The following ACKR3 variants were observed in gnomAD, a reference collection of about 807,000 sequenced individuals.
The protein encoded by ACKR3 is atypical chemokine receptor 3, also known as C-X-C chemokine receptor type 7.
Under a neutral mutation model 22.4 loss-of-function variants are expected in ACKR3, and 6 were observed. That is an observed-to-expected ratio of 0.27 (90% CI 0.15 to 0.53). The LOEUF is 0.53. Among genes scored for constraint, ACKR3 ranks in the 20% least tolerant of loss-of-function variants. ACKR3 has a pLI of 0.96. For missense variants in ACKR3, 396 were observed against 475.2 expected (o/e 0.83, Z 1.55); for synonymous variants, 209 against 205.2 (o/e 1.02, Z -0.16).
rs770123271 is a variant in ACKR3 at position 236,577,868 on chromosome 2, G to A, written c.-26-2572G>A. Among the ~76,000 whole-genome samples, 17 of 152,244 alleles carry A rather than the reference G, an allele frequency of 1.1e-4. No individual in the cohort carries two copies. Among genetic ancestry groups the A allele is most frequent in the Non-Finnish European group, 1.6e-4 (11 of 68,048 alleles). On this transcript the variant is annotated intron_variant, in intron 1 of 1. Coordinates refer to ENST00000272928, the MANE Select transcript of ACKR3 (RefSeq NM_020311.3). This position sits in a 1 kb window ranked among gnomAD's most constrained non-coding sequence, Gnocchi z 5.6. ...ACAGAGCAGGGAGCCCAAGCCAGGCGCCAGCCGAGCTCCCTCTGGACCCAG... is the reference window on the plus strand; with the variant it reads ...ACAGAGCAGGGAGCCCAAGCCAGGCACCAGCCGAGCTCCCTCTGGACCCAG...
Position 236,580,793 on chromosome 2 carries a change from TGGCCCATG to T in ACKR3, c.332_339del (p.Pro111ArgfsTer66). On this transcript the variant is annotated frameshift_variant, in exon 2 of 2. Transcript: ENST00000272928. LOFTEE classifies it high-confidence loss of function. ...GGTCAGTCTCGTGCAGCACAACCAG[TGGCCCATG>T]GGCGAGCTCACGTGCAAAGTCACAC... 6.2e-7 allele frequency: 1 copy of T among 1,614,198 alleles called. No homozygotes were observed. Among genetic ancestry groups the T allele is most frequent in the Non-Finnish European group, 8.5e-7 (1 of 1,180,032 alleles).
At chr2:236,562,713 T>C in the ACKR3 span, among the ~76,000 whole-genome samples, 8 of 152,048 alleles carry the variant, frequency 5.3e-5, no homozygotes, top group Non-Finnish European at 2.9e-5. Flanking sequence ...GAAACTTTTA[T>C]AGAAATTTGA....
the ACKR3 span, among the ~76,000 whole-genome samples, chr2:236,550,098 C>T: frequency 2.9e-4 from 44 of 152,344 alleles, no homozygotes; most frequent in African/African-American, 1.0e-3. This position sits in a 1 kb window ranked among gnomAD's most constrained non-coding sequence, Gnocchi z 4.6. Context: ...ATTGCCACAG[C>T]CAAACTGCAG....
At chr2:236,575,212 A>T (rs1342485937) in intron 1 of ACKR3, among the ~76,000 whole-genome samples, 1 of 152,162 alleles carries the variant, frequency 6.6e-6, no homozygotes, top group Non-Finnish European at 1.5e-5. Context: ...CAAATAACAC[A>T]GAAGTTTATA....
the ACKR3 span, among the ~76,000 whole-genome samples, chr2:236,553,308 C>T: frequency 6.6e-6 from 1 of 152,194 alleles, no homozygotes; most frequent in African/African-American, 2.4e-5. Context: ...CCTGGAGGGG[C>T]AGATGGAAGA....
the ACKR3 span, among the ~76,000 whole-genome samples, chr2:236,540,198 G>T: frequency 6.6e-6 from 1 of 152,200 alleles, no homozygotes; most frequent in Non-Finnish European, 1.5e-5. Context: ...ACTCGACGTT[G>T]TCTGTGTTTT....
chr2:236,541,594 T>A, the ACKR3 span, among the ~76,000 whole-genome samples: 2 of 152,238 alleles, frequency 1.3e-5, no homozygotes, highest in Admixed American at 6.5e-5. Context: ...GTGTTTTGTT[T>A]GACTTAGCAC....
At chr2:236,556,141 G>T in the ACKR3 span, among the ~76,000 whole-genome samples, 1 of 152,154 alleles carries the variant, frequency 6.6e-6, no homozygotes, top group Non-Finnish European at 1.5e-5. Context: ...TTTCACAGAA[G>T]GATCACCCAG....
In ACKR3 at chr2:236,577,549, C is replaced by T. The variant is rs947929346; in HGVS notation, c.-26-2891C>T. 1.3e-5 allele frequency among the ~76,000 whole-genome samples: 2 copies of T among 152,206 alleles called. No individual in the cohort carries two copies. The highest frequency in any genetic ancestry group is 2.4e-5 in the African/African-American group (1 of 41,534). ...GAGGAACTGGAAGGAAGGACACACT[C>T]GAGATGTGGGAACCAGGCGTCTTCT... On this transcript the variant is annotated intron_variant, in intron 1 of 1. Transcript: ENST00000272928. This position sits in a 1 kb window ranked among gnomAD's most constrained non-coding sequence, Gnocchi z 5.6.
chr2:236,544,895 T>A, the ACKR3 span, among the ~76,000 whole-genome samples: 12 of 152,158 alleles, frequency 7.9e-5, no homozygotes, highest in Non-Finnish European at 1.8e-4. The surrounding 1 kb of genome is among the most constrained non-coding windows in gnomAD (Gnocchi z 5.0). Context: ...AGACAGAATA[T>A]GGAGTTTGTT....
chr2:236,559,641 A>G, the ACKR3 span, among the ~76,000 whole-genome samples: 1 of 152,172 alleles, frequency 6.6e-6, no homozygotes, highest in African/African-American at 2.4e-5. Flanking sequence ...TCTTAACTGT[A>G]CAGTTGATGT....
the ACKR3 span, among the ~76,000 whole-genome samples, chr2:236,543,941 G>GTATATATATA: frequency 5.5e-4 from 32 of 57,772 alleles, no homozygotes; most frequent in Non-Finnish European, 1.1e-3. Flanking sequence ...TGGGAGAAGG[G>GTATATATATA]TATATATATA....
chr2:236,553,199 T>TC, the ACKR3 span, among the ~76,000 whole-genome samples: 1 of 151,734 alleles, frequency 6.6e-6, no homozygotes, highest in Non-Finnish European at 1.5e-5. Flanking sequence ...CCTCTCCTCC[T>TC]CCCCCCTGCT....
At chr2:236,579,152 G>T (rs1432725992) in intron 1 of ACKR3, among the ~76,000 whole-genome samples, 2 of 152,182 alleles carry the variant, frequency 1.3e-5, no homozygotes, top group African/African-American at 2.4e-5. Context: ...CTGTGGCTTT[G>T]CATACCGCTA....
the ACKR3 span, among the ~76,000 whole-genome samples, chr2:236,554,398 A>G: frequency 2.6e-5 from 4 of 152,328 alleles, no homozygotes; most frequent in Non-Finnish European, 5.9e-5. Flanking sequence ...AGAATTTTTA[A>G]TTATAACAGA....
At chr2:236,561,203 G>A in the ACKR3 span, among the ~76,000 whole-genome samples, 6 of 152,092 alleles carry the variant, frequency 3.9e-5, no homozygotes, top group African/African-American at 2.4e-5. Flanking sequence ...ATGTATAAAT[G>A]TATAACATTA....
chr2:236,539,368 A>T, the ACKR3 span, among the ~76,000 whole-genome samples: 11 of 138,824 alleles, frequency 7.9e-5, no homozygotes, highest in Non-Finnish European at 1.4e-4. Flanking sequence ...GCTGGAGTGC[A>T]GTGGTGCGAT....
In ACKR3 at chr2:236,580,386, C is replaced by G; in HGVS notation, c.-26-54C>G. 3 of 1,535,118 alleles carry G rather than the reference C, an allele frequency of 2.0e-6. No individual in the cohort carries two copies. The East Asian group carries it at 6.8e-5, about 35-fold the overall frequency. On this transcript the variant is annotated intron_variant, in intron 1 of 1. Transcript: ENST00000272928. ...TTTTTGCCTGAAACTTGAGTTTTTC[C>G]TAATGAAGTGACTTTCCTCTTCCAT...
the ACKR3 span, among the ~76,000 whole-genome samples, chr2:236,538,775 A>G: frequency 1.3e-5 from 2 of 152,220 alleles, no homozygotes; most frequent in Non-Finnish European, 2.9e-5. Flanking sequence ...CAGTATAAGT[A>G]TGTTCCATGC....
Sources: allele counts gnomAD v4.1 joint callset (sites outside exome capture counted in the v4.1 genomes callset), GRCh38; gene constraint gnomAD v4.1.1; non-coding constraint Gnocchi (gnomAD v3.1); transcripts MANE v1.5; gene names NCBI Gene and HGNC (gene_info 2026-07-23, HGNC 2026-07-21).